Variants in RIF1 observed in about 807,000 individuals in gnomAD.
RIF1 encodes the protein telomere-associated protein RIF1.
In RIF1, 45 loss-of-function variants were observed where a neutral mutation model predicts 247.1. The observed-to-expected ratio is 0.18, with a 90% CI of 0.14 to 0.23. The LOEUF is 0.23. Among genes scored for constraint, RIF1 ranks in the 10% least tolerant of loss-of-function variants. RIF1 has a pLI of 1.00. For synonymous variants in RIF1, 1,087 were observed against 978.8 expected (o/e 1.11, Z -2.06); for missense variants, 2,967 against 2,862.5 (o/e 1.04, Z -0.83).
intron 34 of RIF1, among the ~76,000 whole-genome samples, chr2:151,470,607 A>T (rs1697638341): frequency 6.6e-6 from 1 of 152,140 alleles, no homozygotes; most frequent in Non-Finnish European, 1.5e-5. Flanking sequence ...CCATTTTTGG[A>T]GTAGGCATAC....
chr2:151,498,290 T>A (rs1030563077), intron 10 of RIF1: 1 of 1,551,576 alleles, frequency 6.4e-7, no homozygotes, highest in African/African-American at 1.4e-5. Context: ...TGTGTTTGAC[T>A]CTCTGCATCT....
chr2:151,443,145 G>T (rs1245247885), intron 16 of RIF1, 114 bp from the exon 17 acceptor site: 2 of 692,662 alleles, frequency 2.9e-6, no homozygotes, highest in Non-Finnish European at 4.9e-6. Context: ...CCTAAGTAAT[G>T]CCAAAAGTTA....
chr2:151,443,745 G>C (rs560792384), intron 18 of RIF1, 36 bp downstream of exon 18: 1 of 1,339,822 alleles, frequency 7.5e-7, no homozygotes, highest in East Asian at 2.7e-5. Context: ...TTGGATAATA[G>C]ACCTTTTTTT....
At chr2:151,469,217 G>A (rs950978205) in intron 33 of RIF1, among the ~76,000 whole-genome samples, 1 of 152,074 alleles carries the variant, frequency 6.6e-6, no homozygotes, top group African/African-American at 2.4e-5. Flanking sequence ...ACTTAAATGC[G>A]TGCATGTAGA....
At position 151,433,090 on chromosome 2, in the gene RIF1, T is replaced by C. The variant is rs200840962; in HGVS notation, c.939T>C (p.Ser313=). Reference sequence around the variant, plus strand: ...TTTTCTTTTAAGATATACTATGTAGTGCAAAAAGACTCAAGTTGTTAATGC... The same window carrying C: ...TTTTCTTTTAAGATATACTATGTAGCGCAAAAAGACTCAAGTTGTTAATGC... The part of the protein sequence containing the change: ...NFALNPDILC[S]AKRLKLLMQP... Residue 313 remains serine, a synonymous_variant, in exon 10 of 36, where the codon AGT becomes AGC. Coordinates refer to ENST00000444746, the MANE Select transcript of RIF1 (RefSeq NM_018151.5). The C allele has an allele frequency of 9.9e-6, 16 of 1,613,074 alleles. No homozygotes were observed. In the East Asian group the frequency reaches 3.6e-4, roughly 36 times the overall value.
intron 9 of RIF1, among the ~76,000 whole-genome samples, chr2:151,432,557 T>G (rs968624295): frequency 2.0e-5 from 3 of 152,208 alleles, no homozygotes; most frequent in African/African-American, 7.2e-5. Flanking sequence ...TATTAATAAT[T>G]GATTTTTAAA....
chr2:151,425,177 G>A (rs1411349033), intron 8 of RIF1, among the ~76,000 whole-genome samples: 1 of 152,020 alleles, frequency 6.6e-6, no homozygotes, highest in African/African-American at 2.4e-5. Flanking sequence ...CTTTTCACTT[G>A]GTTCTTGGCT....
In RIF1 at chr2:151,468,066, T is replaced by C. The variant is rs544582816; in HGVS notation, c.6667T>C (p.Cys2223Arg). 1.9e-5 allele frequency: 31 copies of C among 1,613,572 alleles called. No homozygotes were observed. In the African/African-American group the frequency reaches 3.5e-4, roughly 18 times the overall value. ...ATTGGCAGATGACATTGATAGACGGTGCTCTATTGTTAGGTCCCATTCTTC... is the reference window on the plus strand; with the variant it reads ...ATTGGCAGATGACATTGATAGACGGCGCTCTATTGTTAGGTCCCATTCTTC... ...AGLADDIDRR[C>R]SIVRSHSSNS... The change falls in exon 31 of 36, where the codon TGC (cysteine) becomes CGC (arginine). Residue 2223 changes from cysteine to arginine, a missense_variant. Physicochemically the swap from Cys to Arg is radical, Grantham distance 180. This residue lies in a region of RIF1 where 2,028 missense variants were observed against 1,825.6 expected (regional missense o/e 1.11). Transcript: ENST00000444746.
At position 151,443,268 on chromosome 2, in the gene RIF1, G is replaced by A; in HGVS notation, c.1744G>A (p.Ala582Thr). 1 of 1,589,860 alleles carries A rather than the reference G, an allele frequency of 6.3e-7. No homozygotes were observed. Among genetic ancestry groups the A allele is most frequent in the Middle Eastern group, 1.7e-4 (1 of 6,020 alleles). The change falls in exon 17 of 36, where the codon GCT becomes ACT. Residue 582 changes from alanine (A) to threonine (T), a missense_variant. Physicochemically the swap from Ala to Thr is moderately conservative, Grantham distance 58. Transcript: ENST00000444746. The part of the protein sequence containing the change: ...ANMDILNGTP[A>T]LFLIQLIFNN... ...TCATTTTCTCCTTCAGGGAACTCCA[G>A]CTTTGTTCTTAATTCAATTAATTTT...
At position 151,478,827 on chromosome 2, in the gene RIF1, C is replaced by T. The variant is rs2049051830; in HGVS notation, c.*3756C>T. ...ATTTTCAAGAAGTTAATTTGTCATT[C>T]AGCCTAGGAGGCTATAAAACAGCAG... On this transcript the variant is annotated 3_prime_UTR_variant, in exon 36 of 36. Transcript: ENST00000444746. 1.3e-5 allele frequency: 2 copies of T among 152,136 alleles called. No homozygotes were observed. Among genetic ancestry groups the T allele is most frequent in the Admixed American group, 6.5e-5 (1 of 15,268 alleles). The allele number at this position is 152,136 out of a possible 1,614,324, so 9.4% of individuals were successfully genotyped here.
At chr2:151,488,636 A>G (rs965109141) in intron 9 of RIF1, among the ~76,000 whole-genome samples, 11 of 149,562 alleles carry the variant, frequency 7.4e-5, no homozygotes, top group African/African-American at 2.4e-4. Flanking sequence ...ATAGAGTGAG[A>G]CCCTGTCTCT....
At chr2:151,515,233 C>T in the RIF1 span, among the ~76,000 whole-genome samples, 9 of 152,158 alleles carry the variant, frequency 5.9e-5, no homozygotes, top group African/African-American at 2.2e-4. Context: ...TCTGAATCCT[C>T]TGTTGTCTCT....
chr2:151,427,157 ATTT>A (rs1387713277), intron 8 of RIF1, among the ~76,000 whole-genome samples: 1 of 150,582 alleles, frequency 6.6e-6, no homozygotes, highest in Non-Finnish European at 1.5e-5. Flanking sequence ...TGTTGATGTA[ATTT>A]TTTATTTGTG....
rs1559015991 is a variant in RIF1, at chr2:151,464,042, C to T, written c.4522C>T (p.Pro1508Ser). 1.2e-6 allele frequency: 2 copies of T among 1,612,104 alleles called. No homozygotes were observed. The highest frequency in any genetic ancestry group is 1.3e-5 in the African/African-American group (1 of 74,678). ...ETEQNKKKADPENIKSEGDGT... is the reference protein window; with the variant it reads ...ETEQNKKKADSENIKSEGDGT... ...TGAACAAAATAAAAAAAAGGCAGAC[C>T]CTGAGAACATTAAGTCTGAGGGGGA... Residue 1508 changes from proline to serine, a missense_variant, in exon 30 of 36, where the codon CCT becomes TCT. By Grantham distance (74) the Pro-to-Ser change is moderately conservative. Coordinates refer to ENST00000444746, the MANE Select transcript of RIF1 (RefSeq NM_018151.5).
chr2:151,464,022 A>C lies in RIF1; in HGVS notation c.4502A>C (p.Gln1501Pro). ...GETSANAETE[Q>P]NKKKADPENI... ...ACTAGTGCTAATGCAGAAACTGAAC[A>C]AAATAAAAAAAAGGCAGACCCTGAG... The change falls in exon 30 of 36, where the codon CAA becomes CCA. Residue 1501 changes from glutamine to proline, a missense_variant. Gln to Pro is a moderately conservative substitution (Grantham distance 76). This residue lies in a region of RIF1 where 2,028 missense variants were observed against 1,825.6 expected (regional missense o/e 1.11). Coordinates refer to ENST00000444746, the MANE Select transcript of RIF1 (RefSeq NM_018151.5). 2 of 1,609,740 alleles carry C rather than the reference A, an allele frequency of 1.2e-6. No homozygotes were observed. Among genetic ancestry groups the C allele is most frequent in the Non-Finnish European group, 1.7e-6 (2 of 1,179,046 alleles).
intron 15 of RIF1, among the ~76,000 whole-genome samples, chr2:151,441,142 G>C (rs1692227726): frequency 6.6e-6 from 1 of 152,064 alleles, no homozygotes; most frequent in African/African-American, 2.4e-5. Context: ...AATCACTTGA[G>C]CCCATGAGGT....
intron 21 of RIF1, among the ~76,000 whole-genome samples, chr2:151,453,091 T>C (rs1694603648): frequency 6.6e-6 from 1 of 152,138 alleles, no homozygotes; most frequent in Non-Finnish European, 1.5e-5. Flanking sequence ...ACTGCAAGAG[T>C]TTATGTGGAA....
At chr2:151,448,672 T>G (rs754117851) in intron 20 of RIF1, among the ~76,000 whole-genome samples, 1 of 152,182 alleles carries the variant, frequency 6.6e-6, no homozygotes, top group Non-Finnish European at 1.5e-5. Flanking sequence ...TTGTTTATTT[T>G]TGTTGTATAG....
intron 4 of RIF1, 42 bp downstream of exon 4, chr2:151,414,961 G>GT (rs1192929329): frequency 7.8e-6 from 10 of 1,283,220 alleles, no homozygotes; most frequent in Non-Finnish European, 1.1e-5. Context: ...AGAGTATAAA[G>GT]TATAAGTTTT....
Sources: gnomAD v4.1 joint callset for allele counts (sites outside exome capture counted in the v4.1 genomes callset) on GRCh38, gnomAD v4.1.1 for gene constraint, gnomAD v4.1.1 regional missense constraint, MANE v1.5 for transcripts, NCBI Gene and HGNC (gene_info 2026-07-23, HGNC 2026-07-21) for gene names.